SH3TC1: variants seen among roughly 807,000 people sequenced by gnomAD.
SH3TC1 encodes SH3 domain and tetratricopeptide repeat-containing protein 1.
In SH3TC1, 135 loss-of-function variants were observed where a neutral mutation model predicts 117.3. The observed-to-expected ratio is 1.15, with a 90% CI of 1.00 to 1.33. The LOEUF (loss-of-function observed/expected upper bound fraction) is 1.33. Among genes scored for constraint, SH3TC1 ranks in the 40% most tolerant of loss-of-function variants. SH3TC1 has a pLI of 0.00. For missense variants in SH3TC1, 2,092 were observed against 1,794.3 expected (o/e 1.17, Z -3.00); for synonymous variants, 898 against 816.9 (o/e 1.10, Z -1.69).
At chr4:8,204,524 G>A (rs1337668269) in intron 1 of SH3TC1, among the ~76,000 whole-genome samples, 4 of 152,206 alleles carry the variant, frequency 2.6e-5, no homozygotes, top group Non-Finnish European at 4.4e-5. Context: ...TCAGTGAACA[G>A]TGAGGCCCCC....
At chr4:8,224,951 C>G (rs2251114) in intron 10 of SH3TC1, 199,093 of 545,994 alleles carry the variant, frequency 0.36, 38,472 homozygotes, top group East Asian at 0.58. Flanking sequence ...CAGGTGTCAG[C>G]AGTGCTCCTA....
At chr4:8,216,936 A>G in intron 6 of SH3TC1, 21 bp from the exon 7 acceptor site, 1 of 1,611,874 alleles carries the variant, frequency 6.2e-7, no homozygotes. Context: ...ACCCTCAGTG[A>G]CCACCTCCAT....
rs1189259537 is a variant in SH3TC1 at position 8,206,875 on chromosome 4, C to G, written c.172+1509C>G. On this transcript the variant is annotated intron_variant, in intron 2 of 17. Coordinates refer to ENST00000245105, the MANE Select transcript of SH3TC1 (RefSeq NM_018986.5). The surrounding 1 kb of genome is among the most constrained non-coding windows in gnomAD (Gnocchi z 5.5). ...TGTGTGTGTGTGTGTGTGTGATTTTCTTCTGATCCTTTTGGGAGTAAATTG... is the reference window on the plus strand; with the variant it reads ...TGTGTGTGTGTGTGTGTGTGATTTTGTTCTGATCCTTTTGGGAGTAAATTG... Among the ~76,000 whole-genome samples, 2 of 139,946 alleles carry G rather than the reference C, an allele frequency of 1.4e-5. No individual in the cohort carries two copies. The highest frequency in any genetic ancestry group is 5.7e-5 in the African/African-American group (2 of 35,388). 91.8% of individuals were successfully genotyped at this position (139,946 alleles called of 152,430 possible). A position where few individuals can be genotyped will look rare whatever the true frequency, so the allele number is the denominator to read the frequency against.
chr4:8,187,462 GGTCT>G (rs1717260939), intron 1 of SH3TC1, among the ~76,000 whole-genome samples: 1 of 152,220 alleles, frequency 6.6e-6, no homozygotes, highest in South Asian at 2.1e-4. Flanking sequence ...TGCCCGGGGG[GGTCT>G]GTCTGTCTCT....
At chr4:8,238,332 C>T (rs1451053789) in intron 17 of SH3TC1, among the ~76,000 whole-genome samples, 1 of 152,202 alleles carries the variant, frequency 6.6e-6, no homozygotes, top group Non-Finnish European at 1.5e-5. Flanking sequence ...AGAGGAGGTG[C>T]TGGGACCTGT....
chr4:8,200,777 C>A (rs1170103086), intron 1 of SH3TC1, among the ~76,000 whole-genome samples: 1 of 152,242 alleles, frequency 6.6e-6, no homozygotes, highest in Non-Finnish European at 1.5e-5. Flanking sequence ...CTCCTCCCTG[C>A]CTCTTCCCGC....
At chr4:8,222,289 T>A (rs1561700407) in intron 9 of SH3TC1, among the ~76,000 whole-genome samples, 1 of 151,106 alleles carries the variant, frequency 6.6e-6, no homozygotes, top group African/African-American at 2.4e-5. Flanking sequence ...CTTGTTTGCA[T>A]CTGTTTCAGC....
chr4:8,232,534 G>A (rs1257002562), intron 13 of SH3TC1: 3 of 1,372,070 alleles, frequency 2.2e-6, no homozygotes, highest in Non-Finnish European at 1.9e-6. Flanking sequence ...CCCCTTAAAT[G>A]TGACCACAGC....
At position 8,210,941 on chromosome 4, in the gene SH3TC1, G is replaced by A. The variant is rs537906177; in HGVS notation, c.247+1119G>A. Among the ~76,000 whole-genome samples the A allele has an allele frequency of 1.4e-4, 21 of 151,604 alleles. 2 individuals carry two copies. The highest frequency in any genetic ancestry group is 5.1e-4 in the African/African-American group (21 of 41,070). ...CCTAGCAGAAAACTCTCAGGCAGGT[G>A]CTTTAAGCTTATTCAAAGGTGTGAG... On this transcript the variant is annotated intron_variant, in intron 3 of 17. Coordinates refer to ENST00000245105, the MANE Select transcript of SH3TC1 (RefSeq NM_018986.5). The surrounding 1 kb of genome is among the most constrained non-coding windows in gnomAD (Gnocchi z 4.1).
At chr4:8,232,216 G>T in intron 13 of SH3TC1, 60 bp downstream of exon 13, 3 of 725,630 alleles carry the variant, frequency 4.1e-6, no homozygotes, top group East Asian at 4.2e-5. Context: ...GCGGCGGGGC[G>T]GGGGCACAGG....
Position 8,205,632 on chromosome 4 carries a change from G to C in SH3TC1, c.172+266G>C. ...GATAACAAAACTGGCAAAGAACGAG[G>C]CAGGGGCCTTTGAACCCCCATGTTC... is the stretch of plus-strand genomic sequence containing the variant. On this transcript the variant is annotated intron_variant, in intron 2 of 17. Coordinates refer to ENST00000245105, the MANE Select transcript of SH3TC1 (RefSeq NM_018986.5). This position sits in a 1 kb window ranked among gnomAD's most constrained non-coding sequence, Gnocchi z 5.4. 2 of 767,390 alleles carry C rather than the reference G, an allele frequency of 2.6e-6. No individual in the cohort carries two copies. The highest frequency in any genetic ancestry group is 4.8e-6 in the Non-Finnish European group (2 of 419,884). The allele number at this position is 767,390 out of a possible 1,614,324, so 47.5% of individuals were successfully genotyped here.
rs1174098809 is a variant in SH3TC1, at chr4:8,235,514, G to A, written c.3364G>A (p.Asp1122Asn). 5.0e-6 allele frequency: 8 copies of A among 1,606,864 alleles called. No homozygotes were observed. The highest frequency in any genetic ancestry group is 2.2e-5 in the East Asian group (1 of 44,588). ...LFEAAGDIFF[D>N]GAWEREKAVS... The stretch of plus-strand genomic sequence containing the variant: ...TGAGGCGGCTGGAGACATCTTCTTC[G>A]ACGGGGCCTGGGAGCGGGAGAAAGC... The change falls in exon 15 of 18, where the codon GAC (aspartate) becomes AAC (asparagine). Residue 1122 changes from aspartate to asparagine, a missense_variant. Transcript: ENST00000245105.
chr4:8,230,519 A>AATATT (rs1721095376), intron 12 of SH3TC1, among the ~76,000 whole-genome samples: 1 of 152,114 alleles, frequency 6.6e-6, no homozygotes, highest in Non-Finnish European at 1.5e-5. Context: ...TATTTTTGAA[A>AATATT]AACCCACCTT....
intron 6 of SH3TC1, 52 bp downstream of exon 6, chr4:8,216,309 G>T: frequency 6.3e-7 from 1 of 1,581,368 alleles, no homozygotes; most frequent in South Asian, 1.2e-5. Flanking sequence ...GGGCACTCCC[G>T]GGCCATGGGG....
At chr4:8,193,206 G>A (rs1717468832) in intron 1 of SH3TC1, among the ~76,000 whole-genome samples, 3 of 152,202 alleles carry the variant, frequency 2.0e-5, no homozygotes, top group South Asian at 2.1e-4. Context: ...GCTCCTGCGC[G>A]CCTGTTTCTG....
rs1282834369 is a variant in SH3TC1 at position 8,205,024 on chromosome 4, G to A, written c.-28-143G>A. The A allele has an allele frequency of 1.7e-6, 1 of 596,912 alleles. No individual in the cohort carries two copies. Among genetic ancestry groups the A allele is most frequent in the East Asian group, 3.0e-5 (1 of 32,806 alleles). 37.0% of individuals were successfully genotyped at this position (596,912 alleles called of 1,614,324 possible). A position where few individuals can be genotyped will look rare whatever the true frequency, so the allele number is the denominator to read the frequency against. Reference sequence around the variant, plus strand: ...CACGCCCACCACAACACGGTGCACGGTGCGGTGAGGGGCTCGCTGGATCTG... The same window carrying A: ...CACGCCCACCACAACACGGTGCACGATGCGGTGAGGGGCTCGCTGGATCTG... On this transcript the variant is annotated intron_variant, in intron 1 of 17. Transcript: ENST00000245105. This position sits in a 1 kb window ranked among gnomAD's most constrained non-coding sequence, Gnocchi z 5.4.
intron 12 of SH3TC1, among the ~76,000 whole-genome samples, chr4:8,230,816 T>C (rs912878761): frequency 1.4e-5 from 2 of 147,562 alleles, no homozygotes; most frequent in South Asian, 4.3e-4. Flanking sequence ...AGAGTTTTGC[T>C]CTGTTGCTCA....
At chr4:8,231,821 G>A (rs1379788263) in intron 12 of SH3TC1, 155 bp from the exon 13 acceptor site, 5 of 785,266 alleles carry the variant, frequency 6.4e-6, no homozygotes, top group South Asian at 5.3e-5. Context: ...GCACCAAGCT[G>A]TGCCCATGTC....
In SH3TC1 at chr4:8,227,762, C is replaced by T. The variant is rs763448785; in HGVS notation, c.2068C>T (p.Arg690Trp). The change falls in exon 12 of 18, where the codon CGG becomes TGG. Residue 690 changes from arginine to tryptophan, a missense_variant. Transcript: ENST00000245105. ...CGAGGAGGCCCTGCCCTTCCTAGAG[C>T]GGCTGCTGCTTTTGCACAGGGACTC... ...QPEEALPFLE[R>W]LLLLHRDSGA... The T allele has an allele frequency of 2.4e-5, 39 of 1,611,358 alleles. No individual in the cohort carries two copies. The highest frequency in any genetic ancestry group is 4.4e-5 in the South Asian group (4 of 90,970).
Sources: gnomAD v4.1 joint callset for allele counts (sites outside exome capture counted in the v4.1 genomes callset) on GRCh38, gnomAD v4.1.1 for gene constraint, Gnocchi (gnomAD v3.1) non-coding constraint, MANE v1.5 for transcripts, NCBI Gene and HGNC (gene_info 2026-07-23, HGNC 2026-07-21) for gene names.